Variants in CLDN10 observed in about 807,000 individuals in gnomAD.
CLDN10 encodes claudin-10.
A neutral mutation model predicts 22.9 loss-of-function variants in CLDN10; 15 were observed. That is an observed-to-expected ratio of 0.65 (90% CI 0.44 to 1.01). The LOEUF is 1.01. Ranked by LOEUF, CLDN10 falls within the 50% of genes least tolerant of loss-of-function variation. CLDN10 has a pLI of 0.00. For missense variants in CLDN10, 247 were observed against 287.8 expected, an observed-to-expected ratio of 0.86 and a Z score of 1.03; for synonymous variants, 114 against 111.4, an observed-to-expected ratio of 1.02 and a Z score of -0.15.
At chr13:95,527,709 C>G (rs904608500) in intron 1 of CLDN10, among the ~76,000 whole-genome samples, 1 of 152,082 alleles carries the variant, frequency 6.6e-6, no homozygotes, top group Admixed American at 6.6e-5. Flanking sequence ...GCACTCCAGC[C>G]TAAGCAACAG....
chr13:95,449,792 G>A (rs2139076405), intron 1 of CLDN10, among the ~76,000 whole-genome samples: 1 of 146,228 alleles, frequency 6.8e-6, no homozygotes, highest in Non-Finnish European at 1.5e-5. Flanking sequence ...CTCCCAGGCT[G>A]GAGTGCAGTG....
chr13:95,565,689 A>C (rs2043777679), intron 3 of CLDN10, among the ~76,000 whole-genome samples: 2 of 152,126 alleles, frequency 1.3e-5, no homozygotes, highest in African/African-American at 4.8e-5. Flanking sequence ...GGTTTGTTAC[A>C]TAGGTATACA....
intron 1 of CLDN10, among the ~76,000 whole-genome samples, chr13:95,492,648 AC>A (rs2042885897): frequency 6.6e-6 from 1 of 152,112 alleles, no homozygotes; most frequent in African/African-American, 2.4e-5. Flanking sequence ...AAGTCTGCAC[AC>A]CAGATTCATG....
At chr13:95,446,951 T>C (rs1245866900) in intron 1 of CLDN10, among the ~76,000 whole-genome samples, 1 of 152,228 alleles carries the variant, frequency 6.6e-6, no homozygotes, top group African/African-American at 2.4e-5. Flanking sequence ...TCTAACCTTT[T>C]CTGGGAGAAC....
intron 1 of CLDN10, among the ~76,000 whole-genome samples, chr13:95,507,189 C>T (rs939262723): frequency 1.3e-5 from 2 of 152,122 alleles, no homozygotes; most frequent in African/African-American, 4.8e-5. Context: ...TGGCTATTAT[C>T]CTAATTTCCT....
chr13:95,470,764 A>G (rs2042621833), intron 1 of CLDN10, among the ~76,000 whole-genome samples: 1 of 151,758 alleles, frequency 6.6e-6, no homozygotes, highest in Non-Finnish European at 1.5e-5. Context: ...TCAATCACAC[A>G]CTTGTCTCTG....
At chr13:95,440,200 C>T (rs1330279882) in intron 1 of CLDN10, among the ~76,000 whole-genome samples, 1 of 152,184 alleles carries the variant, frequency 6.6e-6, no homozygotes, top group Non-Finnish European at 1.5e-5. Context: ...GCGTGAGCCA[C>T]CATGCCTGGC....
intron 1 of CLDN10, among the ~76,000 whole-genome samples, chr13:95,527,527 C>T (rs1409307924): frequency 6.6e-6 from 1 of 151,090 alleles, no homozygotes. Flanking sequence ...GTCAGGAGTT[C>T]AAGACCAGCC....
chr13:95,553,059 C>T, intron 1 of CLDN10, 86 bp downstream of exon 1: 1 of 1,531,380 alleles, frequency 6.5e-7, no homozygotes. Context: ...ATACCCCCAG[C>T]GGGACCCCTA....
At position 95,438,127 on chromosome 13, in the gene CLDN10, C is replaced by T. The variant is rs1004692855; in HGVS notation, c.214+4080C>T. Among the ~76,000 whole-genome samples, 4 of 152,370 alleles carry T rather than the reference C, an allele frequency of 2.6e-5. No individual in the cohort carries two copies. The East Asian group carries it at 5.8e-4, about 22-fold the overall frequency. ...GGAGTGCAGTGGCACGATCATGGCT[C>T]ACTTCAGCCTTGACTTCCTGGGCCC... On this transcript the variant is annotated intron_variant, in intron 1 of 4. Transcript: ENST00000376873.
At chr13:95,447,923 AG>A (rs1436712694) in intron 1 of CLDN10, among the ~76,000 whole-genome samples, 5 of 152,070 alleles carry the variant, frequency 3.3e-5, no homozygotes, top group Non-Finnish European at 2.9e-5. Flanking sequence ...GCAGCATCAA[AG>A]CTGCCCTGCG....
Position 95,560,717 on chromosome 13 carries a change from C to T in CLDN10, c.464+254C>T, listed in dbSNP as rs550013383. ...TCAAATTTAGAACTATAAACTTCATCGTTTGCTGTACATCATGAAACTGAG... is the reference window on the plus strand; with the variant it reads ...TCAAATTTAGAACTATAAACTTCATTGTTTGCTGTACATCATGAAACTGAG... On this transcript the variant is annotated intron_variant, in intron 3 of 4. Coordinates refer to ENST00000299339, the MANE Select transcript of CLDN10 (RefSeq NM_006984.5). 2.2e-4 allele frequency: 100 copies of T among 464,122 alleles called. No homozygotes were observed. The East Asian group carries it at 3.7e-3, about 17-fold the overall frequency. The allele number at this position is 464,122 out of a possible 1,614,324, so 28.8% of individuals were successfully genotyped here.
intron 3 of CLDN10, among the ~76,000 whole-genome samples, chr13:95,561,191 T>C (rs1456196205): frequency 6.6e-6 from 1 of 152,204 alleles, no homozygotes; most frequent in Non-Finnish European, 1.5e-5. Context: ...TGTATCTACA[T>C]CCCTCTTTAG....
At chr13:95,461,169 C>T (rs1388077105) in intron 1 of CLDN10, among the ~76,000 whole-genome samples, 1 of 152,068 alleles carries the variant, frequency 6.6e-6, no homozygotes, top group Non-Finnish European at 1.5e-5. Flanking sequence ...CCAGGCCGGT[C>T]TCAAACTCCA....
upstream of CLDN10, among the ~76,000 whole-genome samples, chr13:95,550,178 G>A (rs1010227855): frequency 3.9e-5 from 6 of 152,150 alleles, no homozygotes; most frequent in South Asian, 2.1e-4. Flanking sequence ...TGTTTCTTCC[G>A]GATGCTATGT....
rs1216067565 is a variant in CLDN10 at position 95,532,690 on chromosome 13, TA to T, written c.215-27441del. Among the ~76,000 whole-genome samples the T allele has an allele frequency of 9.5e-5, 14 of 147,392 alleles. No homozygotes were observed. In the Admixed American group the frequency reaches 1.0e-3, roughly 10 times the overall value. ...AAAAAAACTTGTACAAGAATGTTCA[TA>T]GCAGCTTTATTTGCCCAAAACTGGG... On this transcript the variant is annotated intron_variant, in intron 1 of 4. Transcript: ENST00000376873.
chr13:95,541,925 C>G (rs1174875847), intron 1 of CLDN10, among the ~76,000 whole-genome samples: 4 of 152,190 alleles, frequency 2.6e-5, no homozygotes, highest in African/African-American at 4.8e-5. Flanking sequence ...ATATCTGAGA[C>G]TGGGTAATTT....
At chr13:95,560,931 T>A (rs1017239540) in intron 3 of CLDN10, 1 of 158,906 alleles carries the variant, frequency 6.3e-6, no homozygotes, top group African/African-American at 2.4e-5. Context: ...TAAACCTTTA[T>A]AAAGAAACTG....
At chr13:95,504,170 T>C (rs1391927247) in intron 1 of CLDN10, among the ~76,000 whole-genome samples, 2 of 152,104 alleles carry the variant, frequency 1.3e-5, no homozygotes, top group Non-Finnish European at 2.9e-5. Flanking sequence ...AGTATGACAA[T>C]TGAACCAGAA....
Sources: gnomAD v4.1 joint callset for allele counts (sites outside exome capture counted in the v4.1 genomes callset) on GRCh38, gnomAD v4.1.1 for gene constraint, MANE v1.5 for transcripts, NCBI Gene and HGNC (gene_info 2026-07-23, HGNC 2026-07-21) for gene names.